The following UBE2O variants were observed in gnomAD, a reference collection of about 807,000 sequenced individuals.
UBE2O encodes the protein (E3-independent) E2 ubiquitin-conjugating enzyme.
In UBE2O, 15 loss-of-function variants were observed where a neutral mutation model predicts 125.8. That is an observed-to-expected ratio of 0.12 (90% CI 0.08 to 0.18). The LOEUF is 0.18. Ranked by LOEUF, UBE2O falls within the 10% of genes least tolerant of loss-of-function variation. The pLI is 1.00. For synonymous variants in UBE2O, 708 were observed against 703.2 expected, an observed-to-expected ratio of 1.01 and a Z score of -0.11; for missense variants, 1,280 against 1,723.6, an observed-to-expected ratio of 0.74 and a Z score of 4.56.
chr17:76,422,247 T>C (rs930967356), intron 1 of UBE2O, among the ~76,000 whole-genome samples: 1 of 152,188 alleles, frequency 6.6e-6, no homozygotes, highest in Non-Finnish European at 1.5e-5. Context: ...GGGAAGATGA[T>C]GTGTGGAAGC....
Position 76,405,649 on chromosome 17 carries a change from G to T in UBE2O, c.418-77C>A. Reference sequence around the variant, plus strand: ...ATACAGTTTTCTTCCAGCTTCTGAAGGAAAGCGTCACATCCACACTGCTAA... The same window carrying T: ...ATACAGTTTTCTTCCAGCTTCTGAATGAAAGCGTCACATCCACACTGCTAA... On this transcript the variant is annotated intron_variant, in intron 1 of 17. Coordinates refer to ENST00000319380, the MANE Select transcript of UBE2O (RefSeq NM_022066.4). The surrounding 1 kb of genome is among the most constrained non-coding windows in gnomAD (Gnocchi z 6.1). The T allele has an allele frequency of 7.5e-7, 1 of 1,326,126 alleles. No individual in the cohort carries two copies. 82.1% of individuals were successfully genotyped at this position (1,326,126 alleles called of 1,614,324 possible).
chr17:76,431,665 A>G (rs1297625621), intron 1 of UBE2O, among the ~76,000 whole-genome samples: 1 of 150,624 alleles, frequency 6.6e-6, no homozygotes, highest in African/African-American at 2.4e-5. Flanking sequence ...TATTAGGGCC[A>G]GACACTGTGG....
rs142462313 is a variant in UBE2O, at chr17:76,421,425, T to G, written c.418-15853A>C. ...TCTTGTTGCCCAGGCTGGAGTGCAA[T>G]GGCGTGATCTCGGCACACCATAGCC... On this transcript the variant is annotated intron_variant, in intron 1 of 17. Coordinates refer to ENST00000319380, the MANE Select transcript of UBE2O (RefSeq NM_022066.4). 8.0e-4 allele frequency among the ~76,000 whole-genome samples: 121 copies of G among 152,200 alleles called. 2 individuals carry two copies. The East Asian group carries it at 0.013, about 16-fold the overall frequency.
chr17:76,420,901 T>C (rs1357225604), intron 1 of UBE2O, among the ~76,000 whole-genome samples: 2 of 152,062 alleles, frequency 1.3e-5, no homozygotes, highest in African/African-American at 4.8e-5. Flanking sequence ...GACTTCCAAA[T>C]GCTAACCTTG....
At position 76,395,619 on chromosome 17, in the gene UBE2O, C is replaced by T. The variant is rs2072194001; in HGVS notation, c.2946+106G>A. ...AAAGGTGGGTGGGTGAGTGTCCTCG[C>T]AGGTGCCAGTCAGCCCCGGAGGTTT... On this transcript the variant is annotated intron_variant, in intron 15 of 17. Coordinates refer to ENST00000319380, the MANE Select transcript of UBE2O (RefSeq NM_022066.4). The surrounding 1 kb of genome is among the most constrained non-coding windows in gnomAD (Gnocchi z 5.0). The T allele has an allele frequency of 1.4e-6, 2 of 1,408,824 alleles. No individual in the cohort carries two copies. Among genetic ancestry groups the T allele is most frequent in the Non-Finnish European group, 1.9e-6 (2 of 1,043,688 alleles). 87.3% of individuals were successfully genotyped at this position (1,408,824 alleles called of 1,614,324 possible).
At chr17:76,407,555 G>T (rs999457435) in intron 1 of UBE2O, among the ~76,000 whole-genome samples, 12 of 152,314 alleles carry the variant, frequency 7.9e-5, no homozygotes, top group South Asian at 6.2e-4. Flanking sequence ...CCACTTGGGG[G>T]TCCCTGAGAG....
Position 76,391,263 on chromosome 17 carries a change from C to T in UBE2O, c.3559G>A (p.Asp1187Asn), listed in dbSNP as rs1464298878. ...LSDSGQQEPE[D>N]GGPAPGEASQ... Reference sequence around the variant, plus strand: ...GCCTCTCCTGGGGCTGGCCCTCCATCCTCAGGTTCTTGTTGGCCGGAGTCT... The same window carrying T: ...GCCTCTCCTGGGGCTGGCCCTCCATTCTCAGGTTCTTGTTGGCCGGAGTCT... Residue 1187 changes from aspartate to asparagine, a missense_variant, in exon 18 of 18, where the codon GAT becomes AAT. Asp to Asn is a conservative substitution (Grantham distance 23). Transcript: ENST00000319380. This position sits in a 1 kb window ranked among gnomAD's most constrained non-coding sequence, Gnocchi z 8.4. 7 of 1,613,040 alleles carry T rather than the reference C, an allele frequency of 4.3e-6. No homozygotes were observed. Among genetic ancestry groups the T allele is most frequent in the African/African-American group, 1.3e-5 (1 of 74,946 alleles).
At chr17:76,418,447 C>A (rs1053715762) in intron 1 of UBE2O, among the ~76,000 whole-genome samples, 1 of 152,146 alleles carries the variant, frequency 6.6e-6, no homozygotes, top group Admixed American at 6.5e-5. Context: ...CTCTGAAGGG[C>A]AATGGTGGAA....
chr17:76,430,545 T>C (rs181291770), intron 1 of UBE2O: 4 of 277,260 alleles, frequency 1.4e-5, no homozygotes, highest in East Asian at 1.0e-4. Flanking sequence ...GGCCACAGTA[T>C]AGAGCTCATG....
In UBE2O at chr17:76,402,339, C is replaced by T. The variant is rs1332757373; in HGVS notation, c.687-212G>A. 1.3e-5 allele frequency among the ~76,000 whole-genome samples: 2 copies of T among 152,190 alleles called. No individual in the cohort carries two copies. The highest frequency in any genetic ancestry group is 4.8e-5 in the African/African-American group (2 of 41,444). Reference sequence around the variant, plus strand: ...CTTGCTCAGCACCATCACAGTGCCTCAAGTAAAGCATCAGCCTCTAGCAGA... The same window carrying T: ...CTTGCTCAGCACCATCACAGTGCCTTAAGTAAAGCATCAGCCTCTAGCAGA... On this transcript the variant is annotated intron_variant, in intron 4 of 17. Coordinates refer to ENST00000319380, the MANE Select transcript of UBE2O (RefSeq NM_022066.4). The surrounding 1 kb of genome is among the most constrained non-coding windows in gnomAD (Gnocchi z 5.4).
Position 76,452,997 on chromosome 17 carries a change from C to T in UBE2O, c.145G>A (p.Asp49Asn). The change falls in exon 1 of 18, where the codon GAC becomes AAC. Residue 49 changes from aspartate to asparagine, a missense_variant. Asp to Asn is a conservative substitution (Grantham distance 23). Transcript: ENST00000319380. The surrounding 1 kb of genome is among the most constrained non-coding windows in gnomAD (Gnocchi z 4.4). ...ASDSASGPSSDSGPEAGSQRL... is the reference protein window; with the variant it reads ...ASDSASGPSSNSGPEAGSQRL... ...TGCGAGCCGGCTTCTGGGCCGGAGT[C>T]CGAGGACGGCCCGGAGGCCGAGTCC... The T allele has an allele frequency of 6.7e-7, 1 of 1,489,128 alleles. No homozygotes were observed. Among genetic ancestry groups the T allele is most frequent in the African/African-American group, 1.5e-5 (1 of 68,418 alleles). 92.2% of individuals were successfully genotyped at this position (1,489,128 alleles called of 1,614,324 possible).
intron 1 of UBE2O, among the ~76,000 whole-genome samples, chr17:76,420,916 T>C (rs2072700690): frequency 6.6e-6 from 1 of 152,090 alleles, no homozygotes; most frequent in African/African-American, 2.4e-5. Flanking sequence ...ACCTTGACAG[T>C]AGGAGTCCTC....
chr17:76,409,037 C>T (rs1018175349), intron 1 of UBE2O, among the ~76,000 whole-genome samples: 2 of 151,778 alleles, frequency 1.3e-5, no homozygotes, highest in South Asian at 2.1e-4. Context: ...GGCGCGATCT[C>T]GGCTCACTGC....
intron 1 of UBE2O, among the ~76,000 whole-genome samples, chr17:76,414,520 C>A (rs528021633): frequency 1.7e-3 from 266 of 152,328 alleles, no homozygotes; most frequent in African/African-American, 5.3e-3. Context: ...GAACTGCACA[C>A]CAGGGACAGC....
chr17:76,420,004 G>A (rs1020850464), intron 1 of UBE2O, among the ~76,000 whole-genome samples: 2 of 152,138 alleles, frequency 1.3e-5, no homozygotes, highest in South Asian at 2.1e-4. Context: ...ATGCACAGAA[G>A]CATGACATAA....
intron 1 of UBE2O, among the ~76,000 whole-genome samples, chr17:76,439,552 T>C (rs991862399): frequency 2.6e-5 from 4 of 152,208 alleles, no homozygotes; most frequent in South Asian, 2.1e-4. Context: ...TGCCCAGGCA[T>C]TCTTGGTTTT....
At chr17:76,436,829 G>A (rs915901978) in intron 1 of UBE2O, among the ~76,000 whole-genome samples, 1 of 152,188 alleles carries the variant, frequency 6.6e-6, no homozygotes, top group African/African-American at 2.4e-5. Context: ...TCAACGAGGA[G>A]CATTTATTTC....
chr17:76,408,282 C>CT (rs1413534852), intron 1 of UBE2O, among the ~76,000 whole-genome samples: 1 of 152,248 alleles, frequency 6.6e-6, no homozygotes, highest in Admixed American at 6.5e-5. Context: ...TCGCCTCATG[C>CT]TAACCAGGTG....
chr17:76,437,703 G>A (rs1044242141), intron 1 of UBE2O, among the ~76,000 whole-genome samples: 1 of 152,068 alleles, frequency 6.6e-6, no homozygotes, highest in Non-Finnish European at 1.5e-5. Context: ...ACAGGCACGT[G>A]CCACTGTGCC....
Sources: allele counts gnomAD v4.1 joint callset (sites outside exome capture counted in the v4.1 genomes callset), GRCh38; gene constraint gnomAD v4.1.1; non-coding constraint Gnocchi (gnomAD v3.1); transcripts MANE v1.5; gene names NCBI Gene and HGNC (gene_info 2026-07-23, HGNC 2026-07-21).